The following BLTP1 variants were observed in gnomAD, a reference collection of about 807,000 sequenced individuals.
BLTP1 encodes the protein fragile site-associated protein.
chr4:122,153,493 A>G, the BLTP1 span, among the ~76,000 whole-genome samples: 3 of 152,294 alleles, frequency 2.0e-5, no homozygotes, highest in African/African-American at 7.2e-5. Context: ...CATTTTCTAG[A>G]TGAAAGAACA....
chr4:122,234,310 T>C, the BLTP1 span: 1 of 235,840 alleles, frequency 4.2e-6, no homozygotes, highest in South Asian at 1.6e-4. Context: ...AGTTGCTTCA[T>C]ATTTGTAATT....
chr4:122,236,624 C>G, the BLTP1 span, among the ~76,000 whole-genome samples: 1 of 152,140 alleles, frequency 6.6e-6, no homozygotes, highest in African/African-American at 2.4e-5. Context: ...CTCTAATGTT[C>G]TACAACTGGT....
chr4:122,258,617 T>TTA, the BLTP1 span: 2 of 1,469,312 alleles, frequency 1.4e-6, no homozygotes, highest in African/African-American at 2.9e-5. Context: ...TTGAGTGTCA[T>TTA]TATATAACTA....
chr4:122,275,939 T>C, the BLTP1 span: 1 of 1,514,414 alleles, frequency 6.6e-7, no homozygotes, highest in Non-Finnish European at 8.8e-7. Flanking sequence ...CTCCTTTTTG[T>C]TTTCCCACTT....
the BLTP1 span, chr4:122,281,941 C>A: frequency 2.0e-6 from 2 of 982,450 alleles, no homozygotes; most frequent in African/African-American, 3.5e-5. Flanking sequence ...AAATATCAAT[C>A]CCCCACCCCA....
the BLTP1 span, among the ~76,000 whole-genome samples, chr4:122,161,500 A>T: frequency 5.3e-5 from 8 of 150,918 alleles, no homozygotes; most frequent in East Asian, 7.8e-4. Context: ...GTGCAGTCAC[A>T]GCTCACTGTA....
chr4:122,345,709 G>A, the BLTP1 span, among the ~76,000 whole-genome samples: 1 of 152,062 alleles, frequency 6.6e-6, no homozygotes, highest in Non-Finnish European at 1.5e-5. Flanking sequence ...GTTTTAGAAA[G>A]AGAGTTGAGG....
At chr4:122,263,929 A>G in the BLTP1 span, 1 of 240,514 alleles carries the variant, frequency 4.2e-6, no homozygotes, top group Non-Finnish European at 6.7e-6. Flanking sequence ...GATAGTTTTA[A>G]TTTATCTAGA....
chr4:122,261,459 T>G, the BLTP1 span: 2 of 984,002 alleles, frequency 2.0e-6, no homozygotes, highest in Non-Finnish European at 2.4e-6. Context: ...TAGTCTTTTT[T>G]TGTACTGTAT....
At chr4:122,357,152 A>G in the BLTP1 span, among the ~76,000 whole-genome samples, 1 of 152,232 alleles carries the variant, frequency 6.6e-6, no homozygotes, top group Admixed American at 6.5e-5. Flanking sequence ...AATGTTTGGA[A>G]TGCAGAAAAC....
At chr4:122,326,023 G>A in the BLTP1 span, 1 of 292,748 alleles carries the variant, frequency 3.4e-6, no homozygotes, top group African/African-American at 2.2e-5. Context: ...TTAGACCTCA[G>A]AAATATTTTA....
chr4:122,178,881 T>C, the BLTP1 span, among the ~76,000 whole-genome samples: 3 of 152,132 alleles, frequency 2.0e-5, no homozygotes, highest in Admixed American at 6.6e-5. Flanking sequence ...AATAAATAGG[T>C]TTAAAAATTT....
the BLTP1 span, chr4:122,346,003 A>T: frequency 2.0e-6 from 2 of 984,308 alleles, no homozygotes; most frequent in Non-Finnish European, 2.4e-6. Context: ...ATTTAGGTGG[A>T]AGGTTCTGGT....
At chr4:122,215,509 G>A in the BLTP1 span, 1 of 985,358 alleles carries the variant, frequency 1.0e-6, no homozygotes, top group Non-Finnish European at 1.2e-6. Context: ...GGACAGAGGT[G>A]ATTTTCTGGG....
the BLTP1 span, among the ~76,000 whole-genome samples, chr4:122,158,455 A>G: frequency 2.0e-5 from 3 of 152,114 alleles, no homozygotes; most frequent in African/African-American, 7.2e-5. Context: ...CTCTTAGTTG[A>G]TATGTTTTCT....
chr4:122,207,598 A>T, the BLTP1 span: 1 of 1,603,062 alleles, frequency 6.2e-7, no homozygotes, highest in South Asian at 1.1e-5. Context: ...CCTTTTACGG[A>T]CTTTGTTCCA....
At chr4:122,205,070 C>T in the BLTP1 span, among the ~76,000 whole-genome samples, 1 of 151,764 alleles carries the variant, frequency 6.6e-6, no homozygotes, top group Non-Finnish European at 1.5e-5. Context: ...GTTTCTAATA[C>T]ATTTGTGCTA....
the BLTP1 span, chr4:122,333,743 A>T: frequency 6.2e-7 from 1 of 1,612,188 alleles, no homozygotes; most frequent in South Asian, 1.1e-5. Context: ...AAGTGCCATC[A>T]TCTCTACAGA....
the BLTP1 span, chr4:122,277,445 G>A: frequency 2.0e-6 from 2 of 983,336 alleles, no homozygotes; most frequent in Non-Finnish European, 2.4e-6. Flanking sequence ...TTCCACAGTT[G>A]TAGTGGTAGA....
Sources: gnomAD v4.1 joint callset for allele counts (sites outside exome capture counted in the v4.1 genomes callset) on GRCh38, gnomAD v4.1.1 for gene constraint, MANE v1.5 for transcripts, NCBI Gene and HGNC (gene_info 2026-07-23, HGNC 2026-07-21) for gene names.